PPP6R2: variants seen among roughly 807,000 people sequenced by gnomAD.
PPP6R2 encodes the protein protein phosphatase 6 regulatory subunit 2.
PPP6R2 carries 62 observed loss-of-function variants against 100.2 expected under a neutral mutation model. The ratio of observed to expected loss-of-function variants is 0.62; its 90% confidence interval spans 0.50 to 0.76. The LOEUF (loss-of-function observed/expected upper bound fraction) is 0.76, where lower values mean the gene tolerates loss of function less well. Ranked by LOEUF, PPP6R2 falls within the 30% of genes least tolerant of loss-of-function variation. PPP6R2 has a pLI of 0.00. For missense variants in PPP6R2, 1,142 were observed against 1,276.3 expected (o/e 0.89, Z 1.60); for synonymous variants, 525 against 514.7 (o/e 1.02, Z -0.27).
chr22:50,373,535 G>A (rs1351863763), intron 2 of PPP6R2, among the ~76,000 whole-genome samples: 1 of 150,584 alleles, frequency 6.6e-6, no homozygotes, highest in Non-Finnish European at 1.5e-5. Context: ...GAGCCACCGC[G>A]CCCAGCCTAA....
chr22:50,385,972 C>T (rs1421534215), intron 2 of PPP6R2, among the ~76,000 whole-genome samples: 3 of 149,616 alleles, frequency 2.0e-5, no homozygotes, highest in East Asian at 2.0e-4. Flanking sequence ...TACAGGCGCT[C>T]GCCACCACGC....
chr22:50,381,903 G>A (rs1486350680), intron 2 of PPP6R2, among the ~76,000 whole-genome samples: 2 of 136,322 alleles, frequency 1.5e-5, no homozygotes, highest in Non-Finnish European at 1.6e-5. Context: ...GCGAGACTCC[G>A]TCTCAAAAAA....
chr22:50,368,185 A>G (rs1025994731), intron 1 of PPP6R2, among the ~76,000 whole-genome samples: 1 of 152,258 alleles, frequency 6.6e-6, no homozygotes, highest in Admixed American at 6.5e-5. Context: ...GCTGAAGCAC[A>G]GCATCACAGA....
At chr22:50,436,918 G>T in intron 14 of PPP6R2, 70 bp from the exon 15 acceptor site, 1 of 1,304,106 alleles carries the variant, frequency 7.7e-7, no homozygotes, top group Non-Finnish European at 1.1e-6. Flanking sequence ...ATGGTCCTGG[G>T]CGCTGGGCTG....
upstream of PPP6R2, among the ~76,000 whole-genome samples, chr22:50,341,302 C>T (rs373568336): frequency 1.2e-4 from 19 of 152,132 alleles, no homozygotes; most frequent in South Asian, 3.7e-3. Flanking sequence ...ACTACCTGGG[C>T]TCAGGCAATC....
intron 2 of PPP6R2, among the ~76,000 whole-genome samples, chr22:50,390,998 CAAAAA>C (rs1159505649): frequency 1.0e-5 from 1 of 97,176 alleles, no homozygotes; most frequent in Admixed American, 1.1e-4. Flanking sequence ...AACTCCGTCT[CAAAAA>C]AAAAAAAAAG....
At chr22:50,343,312 T>G (rs2042629217), upstream of PPP6R2, 1 of 149,310 alleles carries the variant, frequency 6.7e-6, no homozygotes, top group Non-Finnish European at 1.5e-5. Context: ...CCGGAGCGCG[T>G]GCCCGTGCGC....
At chr22:50,416,866 G>C (rs538495646) in intron 6 of PPP6R2, among the ~76,000 whole-genome samples, 5 of 151,876 alleles carry the variant, frequency 3.3e-5, no homozygotes, top group African/African-American at 9.7e-5. Flanking sequence ...TGAGGCACAA[G>C]AATCACTTGA....
rs79687088 is a variant in PPP6R2, at chr22:50,367,167, G to A, written c.-147-4853G>A. ...TGAGATGTGGGAGCGGAGGATGCCTGGACAGGGGAGCAGAGGATGCCTGGA... is the reference window on the plus strand; with the variant it reads ...TGAGATGTGGGAGCGGAGGATGCCTAGACAGGGGAGCAGAGGATGCCTGGA... On this transcript the variant is annotated intron_variant, in intron 1 of 23. Coordinates refer to ENST00000612753, the MANE Select transcript of PPP6R2 (RefSeq NM_001242898.2). Among the ~76,000 whole-genome samples the A allele has an allele frequency of 1.6e-4, 25 of 152,028 alleles. No individual in the cohort carries two copies. The East Asian group carries it at 4.8e-3, about 29-fold the overall frequency.
chr22:50,415,986 GTC>G (rs1408073823), intron 5 of PPP6R2, 104 bp from the exon 6 acceptor site: 3 of 1,005,096 alleles, frequency 3.0e-6, no homozygotes, highest in Non-Finnish European at 4.7e-6. Context: ...CAGGCAAAGA[GTC>G]TATATTCTAG....
At chr22:50,441,281 T>C (rs1183374316) in intron 22 of PPP6R2, among the ~76,000 whole-genome samples, 2 of 151,878 alleles carry the variant, frequency 1.3e-5, no homozygotes, top group African/African-American at 4.8e-5. Flanking sequence ...CTGTTGTGAG[T>C]GGTTAAGACA....
intron 3 of PPP6R2, among the ~76,000 whole-genome samples, chr22:50,401,636 C>G (rs1005051748): frequency 5.3e-5 from 8 of 150,224 alleles, no homozygotes; most frequent in African/African-American, 2.0e-4. Context: ...CTCAGCCTCC[C>G]TTTTTCTTTT....
At chr22:50,343,901 C>T (rs1431201630) in intron 1 of PPP6R2, among the ~76,000 whole-genome samples, 3 of 19,032 alleles carry the variant, frequency 1.6e-4, no homozygotes, top group Non-Finnish European at 1.8e-4. Context: ...CAGTCAGTTC[C>T]CCCCCAGTCA....
At chr22:50,332,278 AGTGCAGTG>A in the PPP6R2 span, among the ~76,000 whole-genome samples, 1 of 148,770 alleles carries the variant, frequency 6.7e-6, no homozygotes, top group Middle Eastern at 3.5e-3. Flanking sequence ...CCCAGACTGG[AGTGCAGTG>A]GTGCAATCTT....
chr22:50,359,332 C>T (rs1173900844), intron 1 of PPP6R2, among the ~76,000 whole-genome samples: 2 of 151,610 alleles, frequency 1.3e-5, no homozygotes, highest in East Asian at 3.9e-4. Context: ...CATTCTCCTG[C>T]CTCAGCCTCC....
intron 1 of PPP6R2, among the ~76,000 whole-genome samples, chr22:50,370,759 G>A (rs1045282051): frequency 9.2e-5 from 14 of 151,572 alleles, no homozygotes; most frequent in African/African-American, 2.2e-4. Context: ...TCAGCCTCCC[G>A]AGTAGCTGGG....
chr22:50,354,093 T>C (rs2045923246), intron 1 of PPP6R2, among the ~76,000 whole-genome samples: 1 of 151,898 alleles, frequency 6.6e-6, no homozygotes, highest in South Asian at 2.1e-4. Flanking sequence ...TCACCTGGGG[T>C]CCGGAGTTTG....
chr22:50,368,970 G>T (rs1048592120), intron 1 of PPP6R2, among the ~76,000 whole-genome samples: 1 of 152,226 alleles, frequency 6.6e-6, no homozygotes, highest in South Asian at 2.1e-4. Context: ...CGGGTGCAGT[G>T]GCTCACGCCT....
chr22:50,333,503 A>ATT, the PPP6R2 span, among the ~76,000 whole-genome samples: 1 of 151,996 alleles, frequency 6.6e-6, no homozygotes, highest in East Asian at 1.9e-4. Context: ...CGCCCGGCTA[A>ATT]TTTTTGTTTT....
Sources: allele counts gnomAD v4.1 joint callset (sites outside exome capture counted in the v4.1 genomes callset), GRCh38; gene constraint gnomAD v4.1.1; transcripts MANE v1.5; gene names NCBI Gene and HGNC (gene_info 2026-07-23, HGNC 2026-07-21).